TJP1: variants seen among roughly 807,000 people sequenced by gnomAD.
TJP1 encodes the protein tight junction protein ZO-1.
TJP1 carries 43 observed loss-of-function variants against 194.2 expected under a neutral mutation model. That is an observed-to-expected ratio of 0.22 (90% CI 0.17 to 0.29). The LOEUF (loss-of-function observed/expected upper bound fraction) is 0.29, where lower values mean the gene tolerates loss of function less well. Among genes scored for constraint, TJP1 ranks in the 10% least tolerant of loss-of-function variants. The pLI is 1.00. For synonymous variants in TJP1, 801 were observed against 779.0 expected, an observed-to-expected ratio of 1.03 and a Z score of -0.47; for missense variants, 1,971 against 2,185.7, an observed-to-expected ratio of 0.90 and a Z score of 1.96.
intron 2 of TJP1, among the ~76,000 whole-genome samples, chr15:29,855,717 C>T (rs1232807675): frequency 6.6e-6 from 1 of 151,894 alleles, no homozygotes; most frequent in Non-Finnish European, 1.5e-5. Flanking sequence ...CTAGCTGGGC[C>T]TGGTGGCACG....
chr15:29,846,663 C>T (rs1339434369), intron 2 of TJP1, among the ~76,000 whole-genome samples: 1 of 152,130 alleles, frequency 6.6e-6, no homozygotes, highest in Non-Finnish European at 1.5e-5. Context: ...CGGTGGCTCA[C>T]GTCTGTAATC....
Position 29,716,571 on chromosome 15 carries a change from T to A in TJP1, c.4202+40A>T, listed in dbSNP as rs747728259. 6 of 1,425,790 alleles carry A rather than the reference T, an allele frequency of 4.2e-6. No homozygotes were observed. The South Asian group carries it at 7.0e-5, about 17-fold the overall frequency. 88.3% of individuals were successfully genotyped at this position (1,425,790 alleles called of 1,614,324 possible). A position where few individuals can be genotyped will look rare whatever the true frequency, so the allele number is the denominator to read the frequency against. ...TATATTGAACTGCACGGGATTAATA[T>A]GCTGCATCCTATTTTTAAAAGCCAG... On this transcript the variant is annotated intron_variant, in intron 23 of 27. Coordinates refer to ENST00000614355, the MANE Select transcript of TJP1 (RefSeq NM_001330239.4).
intron 2 of TJP1, among the ~76,000 whole-genome samples, chr15:29,799,213 C>T (rs1370945038): frequency 1.3e-5 from 2 of 151,940 alleles, no homozygotes; most frequent in African/African-American, 2.4e-5. Flanking sequence ...TCATTGACAT[C>T]GCCACTAGTC....
At chr15:29,940,091 G>A (rs1464244546) in intron 2 of TJP1, among the ~76,000 whole-genome samples, 2 of 152,204 alleles carry the variant, frequency 1.3e-5, no homozygotes, top group Admixed American at 1.3e-4. Flanking sequence ...TCTGGGGGAA[G>A]ACTGGGTGGG....
At chr15:29,791,578 G>C (rs903012970) in intron 2 of TJP1, among the ~76,000 whole-genome samples, 1 of 150,764 alleles carries the variant, frequency 6.6e-6, no homozygotes, top group African/African-American at 2.4e-5. Flanking sequence ...CCACCACCAC[G>C]CTCGGCTGGT....
intron 1 of TJP1, chr15:29,820,661 C>G (rs1031161864): frequency 3.0e-6 from 2 of 671,764 alleles, no homozygotes; most frequent in Non-Finnish European, 5.5e-6. Flanking sequence ...AATACGGAAA[C>G]AAAGCCTTTC....
intron 2 of TJP1, among the ~76,000 whole-genome samples, chr15:29,914,333 G>A (rs1317730861): frequency 6.6e-6 from 1 of 152,118 alleles, no homozygotes; most frequent in Non-Finnish European, 1.5e-5. Flanking sequence ...GCTATATAGA[G>A]CTCCCCTAAT....
chr15:29,921,663 A>G (rs1198273028), intron 2 of TJP1, among the ~76,000 whole-genome samples: 1 of 152,104 alleles, frequency 6.6e-6, no homozygotes, highest in Non-Finnish European at 1.5e-5. Flanking sequence ...CGGATAGCTC[A>G]GTTTACTCTC....
At chr15:29,840,736 A>G (rs1241833936) in intron 2 of TJP1, among the ~76,000 whole-genome samples, 1 of 152,190 alleles carries the variant, frequency 6.6e-6, no homozygotes, top group Non-Finnish European at 1.5e-5. Context: ...AGTGGGTCCC[A>G]GTGGTTTGCT....
chr15:29,963,771 A>G (rs1232976186), intron 1 of TJP1, among the ~76,000 whole-genome samples: 2 of 152,148 alleles, frequency 1.3e-5, no homozygotes, highest in African/African-American at 4.8e-5. Flanking sequence ...CTTCTGTCTC[A>G]GCCTCCCGAG....
Position 29,822,142 on chromosome 15 carries a change from A to C in TJP1, c.-114T>G, listed in dbSNP as rs2050429894. 1 of 1,190,672 alleles carries C rather than the reference A, an allele frequency of 8.4e-7. No homozygotes were observed. Among genetic ancestry groups the C allele is most frequent in the South Asian group, 4.2e-5 (1 of 23,726 alleles). 73.8% of individuals were successfully genotyped at this position (1,190,672 alleles called of 1,614,324 possible). A position where few individuals can be genotyped will look rare whatever the true frequency, so the allele number is the denominator to read the frequency against. On this transcript the variant is annotated 5_prime_UTR_variant, in exon 1 of 28. Transcript: ENST00000614355. ...AACATCTCCCGAGAGCGAGCGGGGC[A>C]CGGGCGGGGGCGGCCGGAAGGGCCC...
At chr15:29,884,532 C>A (rs1180914467) in intron 2 of TJP1, among the ~76,000 whole-genome samples, 1 of 152,128 alleles carries the variant, frequency 6.6e-6, no homozygotes, top group Non-Finnish European at 1.5e-5. Context: ...GAACTTCATC[C>A]AATAGTAAAA....
At chr15:29,947,531 T>A (rs1014805369) in intron 2 of TJP1, among the ~76,000 whole-genome samples, 1 of 152,180 alleles carries the variant, frequency 6.6e-6, no homozygotes, top group Admixed American at 6.5e-5. Flanking sequence ...ACCTACAAAG[T>A]ACCCGTTTCC....
At chr15:29,946,502 T>C (rs2055287879) in intron 2 of TJP1, among the ~76,000 whole-genome samples, 1 of 152,266 alleles carries the variant, frequency 6.6e-6, no homozygotes, top group Non-Finnish European at 1.5e-5. Context: ...GCATGCGCCC[T>C]GATGCGAGGC....
chr15:29,777,233 T>C (rs1567006295), intron 2 of TJP1, among the ~76,000 whole-genome samples: 1 of 152,190 alleles, frequency 6.6e-6, no homozygotes, highest in African/African-American at 2.4e-5. Context: ...AATCTACGAG[T>C]GTGTGACAAT....
intron 2 of TJP1, among the ~76,000 whole-genome samples, chr15:29,886,279 A>C (rs563591911): frequency 6.6e-6 from 1 of 152,300 alleles, no homozygotes; most frequent in Admixed American, 6.5e-5. Context: ...TCAGTCATTA[A>C]ATTTTTATTT....
Position 29,720,559 on chromosome 15 carries a change from A to G in TJP1, c.2562T>C (p.Thr854=). 1 of 1,614,082 alleles carries G rather than the reference A, an allele frequency of 6.2e-7. No individual in the cohort carries two copies. The highest frequency in any genetic ancestry group is 8.5e-7 in the Non-Finnish European group (1 of 1,180,022). ...TAAGAGTTTCATCTAGTTCTTGATC[A>G]GTGTAGGCCCCGCCTTCTGTGTCTG... is the stretch of plus-strand genomic sequence containing the variant. ...EDTDTEGGAY[T]DQELDETLND... Residue 854 remains threonine, a synonymous_variant, in exon 19 of 28, where the codon ACT becomes ACC. Coordinates refer to ENST00000614355, the MANE Select transcript of TJP1 (RefSeq NM_001330239.4).
intron 2 of TJP1, among the ~76,000 whole-genome samples, chr15:29,862,709 G>C (rs1341279115): frequency 6.8e-6 from 1 of 147,104 alleles, no homozygotes; most frequent in South Asian, 2.2e-4. Flanking sequence ...GTGCAGTGGT[G>C]CGATCTTGGC....
intron 2 of TJP1, among the ~76,000 whole-genome samples, chr15:29,781,872 T>G (rs1472467715): frequency 2.6e-5 from 4 of 152,178 alleles, no homozygotes; most frequent in Non-Finnish European, 5.9e-5. Context: ...TCATACTGAA[T>G]GGGCAAAAGC....
Sources: allele counts gnomAD v4.1 joint callset (sites outside exome capture counted in the v4.1 genomes callset), GRCh38; gene constraint gnomAD v4.1.1; transcripts MANE v1.5; gene names NCBI Gene and HGNC (gene_info 2026-07-23, HGNC 2026-07-21).